The following STON1 variants were observed in gnomAD, a reference collection of about 807,000 sequenced individuals.
STON1 encodes the protein stonin-1.
Under a neutral mutation model 60.9 loss-of-function variants are expected in STON1, and 79 were observed. That is an observed-to-expected ratio of 1.30 (90% CI 1.08 to 1.56). The LOEUF is 1.56. Among genes scored for constraint, STON1 ranks in the 40% most tolerant of loss-of-function variants. STON1 has a pLI of 0.00. For missense variants in STON1, 1,166 were observed against 858.9 expected, an observed-to-expected ratio of 1.36 and a Z score of -4.47; for synonymous variants, 363 against 306.9, an observed-to-expected ratio of 1.18 and a Z score of -1.91.
Position 48,562,271 on chromosome 2 carries a change from A to T in STON1, c.-47-18316A>T, listed in dbSNP as rs546243062. The stretch of plus-strand genomic sequence containing the variant: ...TCATGTTACACATTTTTCAAATCAG[A>T]ACACACTGGGATTGAACCTTGATAT... On this transcript the variant is annotated intron_variant, in intron 1 of 3. Coordinates refer to ENST00000404752, the MANE Select transcript of STON1 (RefSeq NM_006873.4). Among the ~76,000 whole-genome samples the T allele has an allele frequency of 1.4e-4, 21 of 152,312 alleles. No individual in the cohort carries two copies. In the South Asian group the frequency reaches 2.7e-3, roughly 20 times the overall value.
chr2:48,580,437 G>C (rs1284607865), intron 1 of STON1, 150 bp from the exon 2 acceptor site: 1 of 765,790 alleles, frequency 1.3e-6, no homozygotes. Context: ...CTTATAGACA[G>C]CATACAGTTG....
At position 48,580,851 on chromosome 2, in the gene STON1, C is replaced by G. The variant is rs141781850; in HGVS notation, c.218C>G (p.Pro73Arg). Residue 73 changes from proline to arginine, a missense_variant, in exon 2 of 4, where the codon CCA becomes CGA. Physicochemically the swap from Pro to Arg is moderately radical, Grantham distance 103 (BLOSUM62 -2). Transcript: ENST00000404752. ...SSPIVDFYFSPGPPSNSPLST... is the reference protein window; with the variant it reads ...SSPIVDFYFSRGPPSNSPLST... ...CCCATTGTAGATTTTTATTTCAGTC[C>G]AGGACCTCCAAGTAACTCTCCTCTT... 6 of 1,559,692 alleles carry G rather than the reference C, an allele frequency of 3.8e-6. No individual in the cohort carries two copies. The highest frequency in any genetic ancestry group is 1.7e-4 in the Middle Eastern group (1 of 5,820).
At chr2:48,582,988 T>C (rs111335464) in intron 2 of STON1, among the ~76,000 whole-genome samples, 164 of 152,360 alleles carry the variant, frequency 1.1e-3, no homozygotes, top group African/African-American at 3.7e-3. Context: ...TGATACCACT[T>C]CTTCCTTAGG....
At chr2:48,530,278 G>C (rs1224411593) in intron 1 of STON1, 62 bp downstream of exon 1, 2 of 337,154 alleles carry the variant, frequency 5.9e-6, no homozygotes, top group Non-Finnish European at 1.1e-5. Context: ...TCCAGGGTGG[G>C]GCCTCCCGCC....
chr2:48,573,698 A>G (rs1673333037), intron 1 of STON1, among the ~76,000 whole-genome samples: 1 of 152,264 alleles, frequency 6.6e-6, no homozygotes, highest in South Asian at 2.1e-4. Context: ...CTCAAGAAAA[A>G]GGATCACACG....
intron 1 of STON1, among the ~76,000 whole-genome samples, chr2:48,575,590 T>G (rs1042096501): frequency 1.3e-5 from 2 of 151,482 alleles, no homozygotes; most frequent in African/African-American, 4.9e-5. Context: ...GAGGCAGAGG[T>G]TGCGGTGAGC....
chr2:48,570,776 A>C (rs12475789), intron 1 of STON1, among the ~76,000 whole-genome samples: 95,062 of 150,680 alleles, frequency 0.63, 30,347 homozygotes, highest in Non-Finnish European at 0.66. Context: ...TAGAAATTCT[A>C]GCCATAATAC....
In STON1 at chr2:48,582,178, G is replaced by T; in HGVS notation, c.1545G>T (p.Met515Ile). The T allele has an allele frequency of 1.9e-6, 3 of 1,614,212 alleles. No individual in the cohort carries two copies. Among genetic ancestry groups the T allele is most frequent in the Non-Finnish European group, 2.5e-6 (3 of 1,180,040 alleles). The change falls in exon 2 of 4, where the codon ATG (methionine) becomes ATT (isoleucine). Residue 515 changes from methionine to isoleucine, a missense_variant. Coordinates refer to ENST00000404752, the MANE Select transcript of STON1 (RefSeq NM_006873.4). The stretch of plus-strand genomic sequence containing the variant: ...TGGATGCCTGCCGGTTTGAGCTGAT[G>T]CGTTTCAAGACTTTGTATAATGGGG... ...VPLDACRFEL[M>I]RFKTLYNGDN...
intron 1 of STON1, among the ~76,000 whole-genome samples, chr2:48,572,154 C>T (rs1248010621): frequency 1.3e-5 from 2 of 152,074 alleles, no homozygotes; most frequent in Admixed American, 6.6e-5. Context: ...CAGAGGAAGA[C>T]TCCATCTCTG....
At chr2:48,555,493 T>C (rs1418298762) in intron 1 of STON1, among the ~76,000 whole-genome samples, 18 of 64,540 alleles carry the variant, frequency 2.8e-4, no homozygotes, top group African/African-American at 4.5e-4. Flanking sequence ...GCTGGCCGGG[T>C]GGGGGGCTGA....
Position 48,581,792 on chromosome 2 carries a change from C to T in STON1, c.1159C>T (p.Leu387Phe), listed in dbSNP as rs770536700. The change falls in exon 2 of 4, where the codon CTT becomes TTT. Residue 387 changes from leucine to phenylalanine, a missense_variant. Physicochemically the swap from Leu to Phe is conservative, Grantham distance 22 (BLOSUM62 0). Coordinates refer to ENST00000404752, the MANE Select transcript of STON1 (RefSeq NM_006873.4). ...KLGSTSYHDF[L>F]DFLTTVEEEL... ...GGGGTCCACATCGTACCATGACTTC[C>T]TTGACTTTCTGACTACTGTGGAGGA... The T allele has an allele frequency of 6.2e-6, 10 of 1,614,116 alleles. No homozygotes were observed. The highest frequency in any genetic ancestry group is 6.8e-6 in the Non-Finnish European group (8 of 1,180,012).
chr2:48,542,604 G>A (rs780893092), intron 1 of STON1, among the ~76,000 whole-genome samples: 25 of 152,080 alleles, frequency 1.6e-4, no homozygotes, highest in Non-Finnish European at 3.1e-4. Flanking sequence ...GTAGAATTGT[G>A]CTTCAGGAGG....
At position 48,581,530 on chromosome 2, in the gene STON1, G is replaced by A. The variant is rs761212777; in HGVS notation, c.897G>A (p.Leu299=). The A allele has an allele frequency of 1.9e-5, 31 of 1,614,060 alleles. No homozygotes were observed. In the South Asian group the frequency reaches 2.9e-4, roughly 15 times the overall value. ...CCCGGCAATGGGGACCAATTTTTCTGAAAGTTTTGCCTGGAGGAATTTTGC... is the reference window on the plus strand; with the variant it reads ...CCCGGCAATGGGGACCAATTTTTCTAAAAGTTTTGCCTGGAGGAATTTTGC... ...MSSRQWGPIF[L]KVLPGGILQM... The change falls in exon 2 of 4, where the codon CTG becomes CTA. Residue 299 remains leucine (L), a synonymous_variant. Coordinates refer to ENST00000404752, the MANE Select transcript of STON1 (RefSeq NM_006873.4).
intron 3 of STON1, among the ~76,000 whole-genome samples, chr2:48,592,611 T>G (rs1397314343): frequency 6.8e-6 from 1 of 147,262 alleles, no homozygotes; most frequent in Non-Finnish European, 1.5e-5. Context: ...TTATTATTAT[T>G]ATTATTATTA....
chr2:48,549,286 C>T (rs1477357543), intron 1 of STON1, among the ~76,000 whole-genome samples: 2 of 152,176 alleles, frequency 1.3e-5, no homozygotes, highest in Admixed American at 6.5e-5. Flanking sequence ...TTATATGATG[C>T]TCCCTGAAGC....
chr2:48,593,718 A>T (rs1674650480), intron 3 of STON1, among the ~76,000 whole-genome samples: 1 of 152,178 alleles, frequency 6.6e-6, no homozygotes, highest in African/African-American at 2.4e-5. Flanking sequence ...AAAAATAGTG[A>T]TATTATACAT....
At chr2:48,582,992 C>T (rs1171672057) in intron 2 of STON1, among the ~76,000 whole-genome samples, 1 of 152,246 alleles carries the variant, frequency 6.6e-6, no homozygotes, top group East Asian at 1.9e-4. Context: ...ACCACTTCTT[C>T]CTTAGGTTTG....
intron 1 of STON1, among the ~76,000 whole-genome samples, chr2:48,560,308 C>T (rs1348171089): frequency 6.6e-6 from 1 of 152,198 alleles, no homozygotes; most frequent in East Asian, 1.9e-4. Context: ...GATCTCGCAT[C>T]ATTTTCCCAG....
At chr2:48,583,806 C>T (rs1345237466) in intron 2 of STON1, among the ~76,000 whole-genome samples, 4 of 147,766 alleles carry the variant, frequency 2.7e-5, no homozygotes, top group Non-Finnish European at 3.0e-5. Context: ...AGGTGGAGTG[C>T]GGTGGCACAA....
Sources: gnomAD v4.1 joint callset for allele counts (sites outside exome capture counted in the v4.1 genomes callset) on GRCh38, gnomAD v4.1.1 for gene constraint, MANE v1.5 for transcripts, NCBI Gene and HGNC (gene_info 2026-07-23, HGNC 2026-07-21) for gene names.